The following DACH1 variants were observed in gnomAD, a reference collection of about 807,000 sequenced individuals.
DACH1 encodes the protein dachshund family transcription factor 1, also known as dachshund homolog 1.
In DACH1, 12 loss-of-function variants were observed where a neutral mutation model predicts 54.2. The observed-to-expected ratio is 0.22, with a 90% CI of 0.14 to 0.36. The LOEUF (loss-of-function observed/expected upper bound fraction) is 0.36. Ranked by LOEUF, DACH1 falls within the 10% of genes least tolerant of loss-of-function variation. The pLI is 1.00. For missense variants in DACH1, 805 were observed against 929.8 expected, an observed-to-expected ratio of 0.87 and a Z score of 1.75; for synonymous variants, 386 against 366.2, an observed-to-expected ratio of 1.05 and a Z score of -0.62.
intron 2 of DACH1, among the ~76,000 whole-genome samples, chr13:71,665,387 A>C (rs1879766166): frequency 6.6e-6 from 1 of 151,964 alleles, no homozygotes. Context: ...CATATACCCT[A>C]CCTCCAAAAA....
chr13:71,472,610 T>C (rs1877183854), intron 10 of DACH1, among the ~76,000 whole-genome samples: 1 of 152,190 alleles, frequency 6.6e-6, no homozygotes. Context: ...CAGTTATGGT[T>C]GGATTTGGAG....
chr13:71,688,000 C>T (rs1026246427), intron 1 of DACH1, among the ~76,000 whole-genome samples: 1 of 152,194 alleles, frequency 6.6e-6, no homozygotes, highest in African/African-American at 2.4e-5. Flanking sequence ...CCTAGCTAAA[C>T]TTTATTAGTG....
intron 10 of DACH1, among the ~76,000 whole-genome samples, chr13:71,468,852 T>TC (rs1432101983): frequency 3.3e-5 from 5 of 152,230 alleles, no homozygotes; most frequent in Admixed American, 1.3e-4. Context: ...CCCCAGTGTG[T>TC]CTAGAAGTGT....
intron 1 of DACH1, among the ~76,000 whole-genome samples, chr13:71,763,203 T>C (rs1256110550): frequency 6.6e-6 from 1 of 152,252 alleles, no homozygotes; most frequent in African/African-American, 2.4e-5. Flanking sequence ...TATGTTTATA[T>C]TCATTTTGCA....
chr13:71,602,610 C>T (rs1484978597), intron 3 of DACH1, among the ~76,000 whole-genome samples: 2 of 151,952 alleles, frequency 1.3e-5, no homozygotes, highest in Admixed American at 1.3e-4. Flanking sequence ...TTACTTCAGA[C>T]GTGCTAAAAG....
At chr13:71,807,310 A>G (rs1887540116) in intron 1 of DACH1, among the ~76,000 whole-genome samples, 1 of 150,160 alleles carries the variant, frequency 6.7e-6, no homozygotes, top group Admixed American at 6.7e-5. Context: ...TCAGTACTGT[A>G]GTTTCAGTGA....
rs532616044 is a variant in DACH1, at chr13:71,672,325, A to G, written c.964+9470T>C. On this transcript the variant is annotated intron_variant, in intron 2 of 10. Coordinates refer to ENST00000613252, the MANE Select transcript of DACH1 (RefSeq NM_080759.6). Reference sequence around the variant, plus strand: ...TAAGTAGGATAATAAATGTTTTGGGACACAAACTGCAAGGTTTTTTATAAA... The same window carrying G: ...TAAGTAGGATAATAAATGTTTTGGGGCACAAACTGCAAGGTTTTTTATAAA... Among the ~76,000 whole-genome samples the G allele has an allele frequency of 1.6e-4, 25 of 152,262 alleles. No homozygotes were observed. In the South Asian group the frequency reaches 2.3e-3, roughly 14 times the overall value.
At chr13:71,833,441 G>A (rs545562168) in intron 1 of DACH1, among the ~76,000 whole-genome samples, 2 of 152,122 alleles carry the variant, frequency 1.3e-5, no homozygotes, top group African/African-American at 4.8e-5. Flanking sequence ...TATAAGTGGA[G>A]AGAATGATGG....
intron 1 of DACH1, among the ~76,000 whole-genome samples, chr13:71,783,080 A>G (rs1259284405): frequency 2.6e-5 from 4 of 152,200 alleles, no homozygotes; most frequent in Non-Finnish European, 5.9e-5. Flanking sequence ...CATTGCTTCA[A>G]AAGACCAGTC....
intron 4 of DACH1, among the ~76,000 whole-genome samples, chr13:71,561,918 A>T (rs1884608082): frequency 6.6e-6 from 1 of 152,048 alleles, no homozygotes; most frequent in African/African-American, 2.4e-5. Context: ...CTTTTCCCAA[A>T]TCCATGTCAT....
chr13:71,460,498 G>A (rs996145893), intron 10 of DACH1, among the ~76,000 whole-genome samples: 1 of 152,086 alleles, frequency 6.6e-6, no homozygotes, highest in African/African-American at 2.4e-5. Flanking sequence ...ATTCTTCAGT[G>A]TATTTACATG....
chr13:71,650,395 T>G (rs116314422), intron 2 of DACH1, among the ~76,000 whole-genome samples: 1,645 of 152,264 alleles, frequency 0.011, 31 homozygotes, highest in African/African-American at 0.036. Flanking sequence ...TATAATTTGT[T>G]TTCCATTTCC....
chr13:71,704,235 T>C, intron 1 of DACH1: 1 of 256,586 alleles, frequency 3.9e-6, no homozygotes, highest in Non-Finnish European at 7.6e-6. Flanking sequence ...CTCTAGGCCT[T>C]TGAGACAACA....
chr13:71,748,906 T>TTCTCTC (rs749867534), intron 1 of DACH1, among the ~76,000 whole-genome samples: 1 of 35,210 alleles, frequency 2.8e-5, no homozygotes, highest in African/African-American at 6.0e-5. Flanking sequence ...TTCTCTTTCT[T>TTCTCTC]TCTTTCTTTC....
intron 1 of DACH1, among the ~76,000 whole-genome samples, chr13:71,861,779 T>C (rs1874370549): frequency 6.6e-6 from 1 of 151,798 alleles, no homozygotes; most frequent in African/African-American, 2.4e-5. Context: ...CTGTTAGAAG[T>C]GAATCTATAT....
chr13:71,786,731 A>G (rs1317789217), intron 1 of DACH1, among the ~76,000 whole-genome samples: 1 of 152,168 alleles, frequency 6.6e-6, no homozygotes, highest in Non-Finnish European at 1.5e-5. Context: ...CCTCTTCATG[A>G]TATTTAGAAT....
chr13:71,841,668 C>T (rs931423446), intron 1 of DACH1, among the ~76,000 whole-genome samples: 5 of 152,150 alleles, frequency 3.3e-5, no homozygotes, highest in African/African-American at 9.7e-5. Flanking sequence ...TAGAGATAAA[C>T]AAATATTACT....
At chr13:71,748,378 A>G (rs1489636158) in intron 1 of DACH1, among the ~76,000 whole-genome samples, 1 of 152,244 alleles carries the variant, frequency 6.6e-6, no homozygotes, top group African/African-American at 2.4e-5. Context: ...AAGAGATCTT[A>G]GAGATAAAAA....
At chr13:71,593,935 T>C (rs1303214254) in intron 3 of DACH1, among the ~76,000 whole-genome samples, 1 of 151,548 alleles carries the variant, frequency 6.6e-6, no homozygotes, top group Non-Finnish European at 1.5e-5. Flanking sequence ...AATATTTCAA[T>C]CAATTAGTTG....
Sources: gnomAD v4.1 joint callset for allele counts (sites outside exome capture counted in the v4.1 genomes callset) on GRCh38, gnomAD v4.1.1 for gene constraint, MANE v1.5 for transcripts, NCBI Gene and HGNC (gene_info 2026-07-23, HGNC 2026-07-21) for gene names.